Variants in RUNX1 observed in about 807,000 individuals in gnomAD.
The protein encoded by RUNX1 is runt-related transcription factor 1.
Under a neutral mutation model 42.8 loss-of-function variants are expected in RUNX1, and 19 were observed. The ratio of observed to expected loss-of-function variants is 0.44; its 90% CI spans 0.31 to 0.65. The LOEUF is 0.65. Among genes scored for constraint, RUNX1 ranks in the 30% least tolerant of loss-of-function variants. The pLI, the probability that RUNX1 is intolerant of heterozygous loss-of-function variation, is 0.07. For synonymous variants in RUNX1, 271 were observed against 289.4 expected, an observed-to-expected ratio of 0.94 and a Z score of 0.64; for missense variants, 528 against 672.0, an observed-to-expected ratio of 0.79 and a Z score of 2.37.
chr21:34,799,986 G>T (rs2073354), intron 7 of RUNX1, among the ~76,000 whole-genome samples: 11,394 of 152,070 alleles, frequency 0.075, 579 homozygotes, highest in East Asian at 0.2. Flanking sequence ...ATAGTAAGGC[G>T]AATTCTCTCC....
At chr21:35,022,494 C>T (rs1426676465) in intron 2 of RUNX1, among the ~76,000 whole-genome samples, 3 of 152,216 alleles carry the variant, frequency 2.0e-5, no homozygotes, top group Non-Finnish European at 4.4e-5. Context: ...TCAGCAATCA[C>T]TGCTGATCAC....
In RUNX1 at chr21:34,834,519, C is replaced by A; in HGVS notation, c.696G>T (p.Arg232=). The A allele has an allele frequency of 6.2e-7, 1 of 1,613,166 alleles. No homozygotes were observed. The highest frequency in any genetic ancestry group is 8.5e-7 in the Non-Finnish European group (1 of 1,179,974). Residue 232 remains arginine (R), a synonymous_variant, in exon 7 of 9, where the codon CGG becomes CGT. Transcript: ENST00000675419. ...GTGGGCTGACCCTCATGGCTGTGCG[C>A]CGCAGCTGCTCCAGTTCACTGAGCC... ...SERLSELEQL[R]RTAMRVSPHH... is the part of the protein sequence containing the mutation.
chr21:34,815,621 A>G (rs1451386456), intron 7 of RUNX1, among the ~76,000 whole-genome samples: 3 of 152,154 alleles, frequency 2.0e-5, no homozygotes, highest in Non-Finnish European at 4.4e-5. Context: ...GCTTTTAGAG[A>G]AGGAGGCCAC....
intron 2 of RUNX1, among the ~76,000 whole-genome samples, chr21:34,968,048 C>T (rs957805738): frequency 2.0e-5 from 3 of 152,216 alleles, no homozygotes; most frequent in Non-Finnish European, 4.4e-5. Flanking sequence ...CAGCCCCAAA[C>T]GCCCGATCCA....
chr21:35,021,632 A>T (rs2059198953), intron 2 of RUNX1, among the ~76,000 whole-genome samples: 1 of 152,220 alleles, frequency 6.6e-6, no homozygotes, highest in Admixed American at 6.5e-5. Context: ...TGTAGAGTTG[A>T]GTTGGAGAAA....
At chr21:34,893,837 G>A (rs191761765) in intron 2 of RUNX1, among the ~76,000 whole-genome samples, 1 of 151,294 alleles carries the variant, frequency 6.6e-6, no homozygotes, top group Admixed American at 6.6e-5. Context: ...TCTAGATGCT[G>A]TTTAAATAGG....
intron 7 of RUNX1, among the ~76,000 whole-genome samples, chr21:34,826,202 G>A (rs1352325123): frequency 2.6e-5 from 4 of 152,076 alleles, no homozygotes; most frequent in Non-Finnish European, 4.4e-5. Flanking sequence ...GGGAGCAAAC[G>A]GGTCATGAGG....
chr21:35,020,543 T>C lies in RUNX1; in HGVS notation c.58+28299A>G, dbSNP rs112644304. Among the ~76,000 whole-genome samples, 674 of 152,286 alleles carry C rather than the reference T, an allele frequency of 4.4e-3. 4 individuals carry two copies. Among genetic ancestry groups the C allele is most frequent in the African/African-American group, 0.015 (628 of 41,548 alleles). On this transcript the variant is annotated intron_variant, in intron 2 of 8. Coordinates refer to ENST00000675419, the MANE Select transcript of RUNX1 (RefSeq NM_001754.5). Reference sequence around the variant, plus strand: ...GCAATGAGACCCGAAAGAGTTTGGCTTATGCAAAGGAATTTCCATGAGCAC... The same window carrying C: ...GCAATGAGACCCGAAAGAGTTTGGCCTATGCAAAGGAATTTCCATGAGCAC...
chr21:35,015,675 A>G (rs751727356), intron 2 of RUNX1, among the ~76,000 whole-genome samples: 1 of 152,212 alleles, frequency 6.6e-6, no homozygotes, highest in Non-Finnish European at 1.5e-5. Flanking sequence ...AGGAAGGAGG[A>G]AGCAAAGGAG....
chr21:34,829,934 A>G (rs1220955451), intron 7 of RUNX1: 1 of 152,254 alleles, frequency 6.6e-6, no homozygotes, highest in Non-Finnish European at 1.5e-5. Context: ...CCAGATGATA[A>G]AGAGAGAATC....
intron 5 of RUNX1, among the ~76,000 whole-genome samples, chr21:34,862,358 C>A (rs554604325): frequency 6.6e-6 from 1 of 152,166 alleles, no homozygotes; most frequent in African/African-American, 2.4e-5. Flanking sequence ...TCTTCTGTTG[C>A]CTACAACTCT....
intron 2 of RUNX1, among the ~76,000 whole-genome samples, chr21:35,017,128 T>C (rs2059164980): frequency 6.6e-6 from 1 of 152,130 alleles, no homozygotes; most frequent in African/African-American, 2.4e-5. Flanking sequence ...AATCAGTCTT[T>C]GTCTACCTTC....
At position 34,799,317 on chromosome 21, in the gene RUNX1, AAGTTCTGCAGAG is replaced by A. The variant is rs748122795; in HGVS notation, c.939_950del (p.Ala315_Ser318del). 136 of 1,614,048 alleles carry A rather than the reference AAGTTCTGCAGAG, an allele frequency of 8.4e-5. No individual in the cohort carries two copies. Among genetic ancestry groups the A allele is most frequent in the Non-Finnish European group, 7.0e-5 (83 of 1,180,032 alleles). The stretch of plus-strand genomic sequence containing the variant: ...GTGGCTTACTTGAGAGTCGACTGGA[AAGTTCTGCAGAG>A]AGGGTTGTCATGCCGCTGGCACGTC... On this transcript the variant is annotated inframe_deletion, in exon 8 of 9. Transcript: ENST00000675419.
chr21:34,877,835 A>G (rs1196016603), intron 5 of RUNX1, among the ~76,000 whole-genome samples: 1 of 152,224 alleles, frequency 6.6e-6, no homozygotes, highest in African/African-American at 2.4e-5. Context: ...AGCTGGTCAC[A>G]GAAAGAGAAC....
intron 2 of RUNX1, among the ~76,000 whole-genome samples, chr21:34,928,807 G>A (rs1215144812): frequency 6.6e-6 from 1 of 152,092 alleles, no homozygotes; most frequent in African/African-American, 2.4e-5. Context: ...TAAGCCCACA[G>A]CTGTGGTCAG....
intron 5 of RUNX1, among the ~76,000 whole-genome samples, chr21:34,879,860 G>A (rs1418425905): frequency 6.6e-6 from 1 of 152,034 alleles, no homozygotes; most frequent in Non-Finnish European, 1.5e-5. Context: ...TGAGTTAAAG[G>A]CAAGGAAAAA....
intron 6 of RUNX1, among the ~76,000 whole-genome samples, chr21:34,852,490 G>A (rs890635990): frequency 6.6e-6 from 1 of 152,168 alleles, no homozygotes; most frequent in African/African-American, 2.4e-5. Context: ...TCTAAAATTC[G>A]CTGGAAACAT....
chr21:35,004,522 G>A (rs923396818), intron 2 of RUNX1, among the ~76,000 whole-genome samples: 2 of 152,172 alleles, frequency 1.3e-5, no homozygotes, highest in Admixed American at 6.5e-5. Flanking sequence ...AGCTGAGGGC[G>A]TGTCTTGAGT....
At chr21:35,001,201 T>C (rs868441798) in intron 2 of RUNX1, among the ~76,000 whole-genome samples, 21 of 151,836 alleles carry the variant, frequency 1.4e-4, no homozygotes, top group African/African-American at 5.1e-4. Context: ...TTTTAAAAGT[T>C]TTTTTAATAG....
Sources: gnomAD v4.1 joint callset for allele counts (sites outside exome capture counted in the v4.1 genomes callset) on GRCh38, gnomAD v4.1.1 for gene constraint, MANE v1.5 for transcripts, NCBI Gene and HGNC (gene_info 2026-07-23, HGNC 2026-07-21) for gene names.